TCF4: variants seen among roughly 807,000 people sequenced by gnomAD.
The protein encoded by TCF4 is transcription factor 4.
A neutral mutation model predicts 82.1 loss-of-function variants in TCF4; 3 were observed. The ratio of observed to expected loss-of-function variants is 0.04; its 90% confidence interval spans 0.02 to 0.09. TCF4 has a LOEUF of 0.09. Among genes scored for constraint, TCF4 ranks in the 10% least tolerant of loss-of-function variants. The pLI, the probability that TCF4 is intolerant of heterozygous loss-of-function variation, is 1.00. For synonymous variants in TCF4, 276 were observed against 309.6 expected (o/e 0.89, Z 1.14); for missense variants, 518 against 852.7 (o/e 0.61, Z 4.89).
At chr18:55,336,185 ATGTT>A (rs2078593553) in intron 8 of TCF4, among the ~76,000 whole-genome samples, 1 of 152,068 alleles carries the variant, frequency 6.6e-6, no homozygotes, top group Admixed American at 6.5e-5. Flanking sequence ...TTTCCATCCT[ATGTT>A]TGATCATGAT....
chr18:55,255,468 C>G (rs1455388183), intron 14 of TCF4, among the ~76,000 whole-genome samples: 1 of 152,126 alleles, frequency 6.6e-6, no homozygotes, highest in Non-Finnish European at 1.5e-5. Flanking sequence ...AACCAACCAA[C>G]CTTTGTTCAT....
intron 10 of TCF4, among the ~76,000 whole-genome samples, chr18:55,272,522 T>C (rs2060600449): frequency 6.6e-6 from 1 of 152,106 alleles, no homozygotes; most frequent in Non-Finnish European, 1.5e-5. Context: ...AGTCCTGTAT[T>C]TCGTGTCTAT....
intron 5 of TCF4, among the ~76,000 whole-genome samples, chr18:55,409,231 G>A (rs971429860): frequency 6.6e-6 from 1 of 152,026 alleles, no homozygotes; most frequent in Non-Finnish European, 1.5e-5. Context: ...ATCCCACAAC[G>A]GGCTCCAAAA....
intron 15 of TCF4, among the ~76,000 whole-genome samples, chr18:55,237,436 A>G (rs1380861816): frequency 6.6e-6 from 1 of 150,800 alleles, no homozygotes. Context: ...ATCATTTTCC[A>G]TAAAGAATGT....
intron 3 of TCF4, among the ~76,000 whole-genome samples, chr18:55,508,578 C>T (rs1185507286): frequency 2.6e-5 from 4 of 152,134 alleles, no homozygotes; most frequent in African/African-American, 7.2e-5. Context: ...GAAGCAGGGA[C>T]TTGTATTATC....
intron 6 of TCF4, among the ~76,000 whole-genome samples, chr18:55,364,588 G>A (rs1357534965): frequency 6.6e-6 from 1 of 152,172 alleles, no homozygotes; most frequent in Non-Finnish European, 1.5e-5. Context: ...AAGGCAGAAT[G>A]AAGATTATCT....
At chr18:55,327,794 T>C (rs959801330) in intron 8 of TCF4, among the ~76,000 whole-genome samples, 1 of 152,194 alleles carries the variant, frequency 6.6e-6, no homozygotes, top group Non-Finnish European at 1.5e-5. Flanking sequence ...TTGCTTTATG[T>C]GGCATTATAA....
chr18:55,330,102 T>C (rs1160914090), intron 8 of TCF4, among the ~76,000 whole-genome samples: 2 of 151,746 alleles, frequency 1.3e-5, no homozygotes, highest in East Asian at 1.9e-4. Context: ...GAACATATGA[T>C]AAAGACAAGA....
intron 6 of TCF4, among the ~76,000 whole-genome samples, chr18:55,358,179 A>G (rs1227609374): frequency 6.6e-6 from 1 of 152,256 alleles, no homozygotes; most frequent in Non-Finnish European, 1.5e-5. Context: ...CCTGGCGCAG[A>G]GACCTGCCAT....
chr18:55,627,724 C>T (rs2097727909), intron 2 of TCF4, among the ~76,000 whole-genome samples: 1 of 151,824 alleles, frequency 6.6e-6, no homozygotes, highest in African/African-American at 2.4e-5. Flanking sequence ...GAGATCATGC[C>T]ACTGCATTCC....
intron 13 of TCF4, among the ~76,000 whole-genome samples, chr18:55,258,899 C>T (rs1009681095): frequency 1.3e-5 from 2 of 152,134 alleles, no homozygotes; most frequent in African/African-American, 4.8e-5. Context: ...CTTAAAATCA[C>T]CTCAATCGCT....
intron 3 of TCF4, among the ~76,000 whole-genome samples, chr18:55,473,982 C>T (rs2096240454): frequency 6.6e-6 from 1 of 152,178 alleles, no homozygotes; most frequent in African/African-American, 2.4e-5. Context: ...TCCTTGATCA[C>T]AGCAGAACAC....
intron 5 of TCF4, among the ~76,000 whole-genome samples, chr18:55,443,890 T>C (rs1167504695): frequency 1.3e-5 from 2 of 152,224 alleles, no homozygotes; most frequent in African/African-American, 2.4e-5. Flanking sequence ...CTATGCATTA[T>C]ACATGCATTA....
At chr18:55,561,943 A>G (rs892269720) in intron 3 of TCF4, among the ~76,000 whole-genome samples, 2 of 152,252 alleles carry the variant, frequency 1.3e-5, no homozygotes, top group African/African-American at 4.8e-5. Flanking sequence ...GACTTAAAGT[A>G]TATTGTCCAA....
At chr18:55,259,787 TG>T in intron 13 of TCF4, 161 bp downstream of exon 13, 1 of 652,782 alleles carries the variant, frequency 1.5e-6, no homozygotes, top group Non-Finnish European at 2.8e-6. Flanking sequence ...TACTGTTATC[TG>T]GTAATTTGTC....
chr18:55,566,071 G>A (rs1452500689), intron 3 of TCF4, among the ~76,000 whole-genome samples: 3 of 151,040 alleles, frequency 2.0e-5, no homozygotes, highest in East Asian at 1.9e-4. Flanking sequence ...AAATTAGCCC[G>A]GCGTGGTGAC....
intron 15 of TCF4, among the ~76,000 whole-genome samples, chr18:55,254,042 A>G (rs2056071092): frequency 6.6e-6 from 1 of 152,254 alleles, no homozygotes; most frequent in Non-Finnish European, 1.5e-5. Context: ...CTATTTGACA[A>G]TAAAAATGAA....
intron 10 of TCF4, 141 bp from the exon 11 acceptor site, chr18:55,270,104 T>C: frequency 1.8e-6 from 2 of 1,098,782 alleles, no homozygotes; most frequent in Non-Finnish European, 1.3e-6. Context: ...ATATATCTTG[T>C]TTAGATCTGA....
intron 8 of TCF4, among the ~76,000 whole-genome samples, chr18:55,325,072 T>C (rs963747150): frequency 6.6e-6 from 1 of 152,184 alleles, no homozygotes; most frequent in African/African-American, 2.4e-5. Flanking sequence ...TGGCATAGTA[T>C]TACCTACAAG....
Sources: allele counts gnomAD v4.1 joint callset (sites outside exome capture counted in the v4.1 genomes callset), GRCh38; gene constraint gnomAD v4.1.1; transcripts MANE v1.5; gene names NCBI Gene and HGNC (gene_info 2026-07-23, HGNC 2026-07-21).